CLYBL: variants seen among roughly 807,000 people sequenced by gnomAD.
CLYBL encodes citramalyl-CoA lyase, mitochondrial.
CLYBL carries 31 observed loss-of-function variants against 38.9 expected under a neutral mutation model. The ratio of observed to expected loss-of-function variants is 0.80; its 90% CI spans 0.60 to 1.08. The LOEUF is 1.08. CLYBL is among the 50% of genes least tolerant of loss of function. CLYBL has a pLI of 0.00. For synonymous variants in CLYBL, 171 were observed against 158.6 expected (o/e 1.08, Z -0.59); for missense variants, 434 against 411.6 (o/e 1.05, Z -0.47).
Position 99,887,314 on chromosome 13 carries a change from A to G in CLYBL, c.928-4004A>G, listed in dbSNP as rs117793807. Among the ~76,000 whole-genome samples the G allele has an allele frequency of 4.8e-4, 73 of 152,344 alleles. 1 individual carries two copies. In the East Asian group the frequency reaches 0.012, roughly 25 times the overall value. ...ACCCTTTTCAATCACCAGGCCCCTA[A>G]GAGCACAGGCTTGGCATTAGATAGA... On this transcript the variant is annotated intron_variant, in intron 7 of 8. Transcript: ENST00000339105.
At chr13:99,636,967 C>A (rs1335701662) in intron 1 of CLYBL, among the ~76,000 whole-genome samples, 1 of 152,120 alleles carries the variant, frequency 6.6e-6, no homozygotes, top group Non-Finnish European at 1.5e-5. Context: ...ACTGCATCCC[C>A]CAGCCAGGCT....
At chr13:99,872,960 T>A (rs570503382) in intron 7 of CLYBL, among the ~76,000 whole-genome samples, 5 of 151,388 alleles carry the variant, frequency 3.3e-5, no homozygotes, top group East Asian at 1.9e-4. Flanking sequence ...TTTTTTTAAA[T>A]AAGAAATGCC....
chr13:99,774,965 C>A (rs894990612), intron 2 of CLYBL, among the ~76,000 whole-genome samples: 1 of 152,156 alleles, frequency 6.6e-6, no homozygotes, highest in Admixed American at 6.5e-5. Context: ...TTCTTTGCCT[C>A]AATTTCTTAT....
chr13:99,717,290 G>A (rs1442645142), intron 1 of CLYBL, among the ~76,000 whole-genome samples: 1 of 151,290 alleles, frequency 6.6e-6, no homozygotes, highest in Non-Finnish European at 1.5e-5. Flanking sequence ...GCTGGGTGTG[G>A]TGGTGCACAC....
intron 2 of CLYBL, among the ~76,000 whole-genome samples, chr13:99,833,003 C>CATATATATATAT (rs1566345646): frequency 9.5e-5 from 7 of 73,310 alleles, no homozygotes; most frequent in African/African-American, 3.2e-4. Context: ...TACATACATA[C>CATATATATATAT]ATACATATAT....
chr13:99,632,939 GCT>G (rs1352114406), intron 1 of CLYBL, among the ~76,000 whole-genome samples: 1 of 152,100 alleles, frequency 6.6e-6, no homozygotes, highest in African/African-American at 2.4e-5. Flanking sequence ...GGGAGTATCA[GCT>G]TAGAAATAGT....
intron 2 of CLYBL, among the ~76,000 whole-genome samples, chr13:99,805,270 A>G (rs982247892): frequency 1.3e-5 from 2 of 152,142 alleles, no homozygotes; most frequent in African/African-American, 4.8e-5. Flanking sequence ...TCTTTTGGGT[A>G]TATCCCCAGA....
At chr13:99,872,372 G>C (rs1237842800) in intron 7 of CLYBL, among the ~76,000 whole-genome samples, 1 of 152,168 alleles carries the variant, frequency 6.6e-6, no homozygotes, top group Non-Finnish European at 1.5e-5. Flanking sequence ...AATATTTTAA[G>C]TTGACCTTGT....
At chr13:99,788,248 T>C (rs1340316937) in intron 2 of CLYBL, among the ~76,000 whole-genome samples, 3 of 151,976 alleles carry the variant, frequency 2.0e-5, no homozygotes, top group Admixed American at 6.6e-5. Flanking sequence ...TGAATAGGAG[T>C]GGTGAGAGAG....
intron 1 of CLYBL, among the ~76,000 whole-genome samples, chr13:99,621,434 G>A (rs1374903072): frequency 6.6e-6 from 1 of 152,100 alleles, no homozygotes; most frequent in East Asian, 1.9e-4. Context: ...GTCCCTGAGA[G>A]CCCTAACCTC....
chr13:99,891,519 T>A (rs117152431), intron 8 of CLYBL, 82 bp downstream of exon 8: 113 of 739,288 alleles, frequency 1.5e-4, no homozygotes, highest in Non-Finnish European at 2.1e-4. Context: ...GATTGGGACC[T>A]GACTCCATTT....
chr13:99,890,714 C>T (rs1257734408), intron 7 of CLYBL, among the ~76,000 whole-genome samples: 6 of 152,144 alleles, frequency 3.9e-5, no homozygotes, highest in Admixed American at 6.6e-5. Flanking sequence ...GTGATCCGCC[C>T]GCCCCGGCCT....
chr13:99,747,788 G>A (rs2048879675), intron 1 of CLYBL, among the ~76,000 whole-genome samples: 2 of 152,154 alleles, frequency 1.3e-5, no homozygotes, highest in Non-Finnish European at 2.9e-5. Flanking sequence ...ACCTTAGGAG[G>A]CCTTCCTTAG....
chr13:99,655,306 C>T (rs1455119318), intron 1 of CLYBL, among the ~76,000 whole-genome samples: 1 of 152,126 alleles, frequency 6.6e-6, no homozygotes, highest in Non-Finnish European at 1.5e-5. Context: ...GAACTCCTGA[C>T]CTCAGATGAT....
At chr13:99,747,721 G>C (rs2048878655) in intron 1 of CLYBL, among the ~76,000 whole-genome samples, 1 of 152,198 alleles carries the variant, frequency 6.6e-6, no homozygotes, top group Non-Finnish European at 1.5e-5. Flanking sequence ...GGCAGATTCA[G>C]TGAGTGACAA....
intron 2 of CLYBL, among the ~76,000 whole-genome samples, chr13:99,854,102 A>G (rs774297848): frequency 2.0e-5 from 3 of 152,140 alleles, no homozygotes; most frequent in Non-Finnish European, 4.4e-5. Flanking sequence ...AATGTTGTGG[A>G]TCTCCCTGGA....
chr13:99,888,903 C>A (rs955224404), intron 7 of CLYBL, among the ~76,000 whole-genome samples: 1 of 152,066 alleles, frequency 6.6e-6, no homozygotes, highest in Non-Finnish European at 1.5e-5. Context: ...TAAAAAAATA[C>A]CACCTAAATT....
chr13:99,757,842 A>G (rs1248005893), intron 1 of CLYBL, among the ~76,000 whole-genome samples: 1 of 152,242 alleles, frequency 6.6e-6, no homozygotes, highest in Non-Finnish European at 1.5e-5. Context: ...GGACTCTGCC[A>G]TCAGCATATT....
At chr13:99,701,601 G>A (rs2048067269) in intron 1 of CLYBL, among the ~76,000 whole-genome samples, 1 of 151,822 alleles carries the variant, frequency 6.6e-6, no homozygotes, top group African/African-American at 2.4e-5. Flanking sequence ...GTGAGCCACC[G>A]CGCCCGGCCT....
Sources: allele counts gnomAD v4.1 joint callset (sites outside exome capture counted in the v4.1 genomes callset), GRCh38; gene constraint gnomAD v4.1.1; transcripts MANE v1.5; gene names NCBI Gene and HGNC (gene_info 2026-07-23, HGNC 2026-07-21).